ITGA6: variants seen among roughly 807,000 people sequenced by gnomAD.
ITGA6 encodes integrin subunit alpha 6, also known as integrin alpha-6.
In ITGA6, 63 loss-of-function variants were observed where a neutral mutation model predicts 133.6. The observed-to-expected ratio is 0.47, with a 90% confidence interval of 0.38 to 0.58. The LOEUF is 0.58. Among genes scored for constraint, ITGA6 ranks in the 20% least tolerant of loss-of-function variants. The pLI, the probability that ITGA6 is intolerant of heterozygous loss-of-function variation, is 0.00. For synonymous variants in ITGA6, 434 were observed against 482.0 expected, an observed-to-expected ratio of 0.90 and a Z score of 1.30; for missense variants, 1,068 against 1,309.4, an observed-to-expected ratio of 0.82 and a Z score of 2.85.
At chr2:172,466,707 T>TA (rs1394577433) in intron 2 of ITGA6, among the ~76,000 whole-genome samples, 8 of 152,186 alleles carry the variant, frequency 5.3e-5, no homozygotes, top group African/African-American at 1.9e-4. Flanking sequence ...CTATGAAGAA[T>TA]AAAAAAACCC....
intron 2 of ITGA6, 198 bp downstream of exon 2, chr2:172,465,861 C>T: frequency 2.6e-6 from 2 of 762,322 alleles, no homozygotes; most frequent in Non-Finnish European, 4.3e-6. Context: ...GCGTGTTTTG[C>T]TGCTCCTCCT....
intron 20 of ITGA6, among the ~76,000 whole-genome samples, chr2:172,490,364 A>G (rs919533441): frequency 1.3e-5 from 2 of 152,186 alleles, no homozygotes; most frequent in African/African-American, 2.4e-5. Context: ...TAACTGGCCT[A>G]TCATTTGTGT....
chr2:172,467,558 G>T lies in ITGA6; in HGVS notation c.385G>T (p.Val129Leu). The T allele has an allele frequency of 6.2e-7, 1 of 1,611,864 alleles. No homozygotes were observed. Among genetic ancestry groups the T allele is most frequent in the Non-Finnish European group, 8.5e-7 (1 of 1,178,154 alleles). ...GAGCCAAGGTCCAGGGGGCAAGGTCGTGGTAAGTGTAGAGACACATGTTCA... is the reference window on the plus strand; with the variant it reads ...GAGCCAAGGTCCAGGGGGCAAGGTCTTGGTAAGTGTAGAGACACATGTTCA... Reference protein sequence around the residue: ...VQSQGPGGKVVTCAHRYEKRQ... With the variant: ...VQSQGPGGKVLTCAHRYEKRQ... The change falls in exon 3 of 26, where the codon GTG becomes TTG. Residue 129 changes from valine (V) to leucine (L), a missense_variant and splice_region_variant. By Grantham distance (32) the Val-to-Leu change is conservative. Around this residue, in one of 3 missense-constraint regions of ITGA6, gnomAD observed 317 missense variants for 456.9 expected, o/e 0.69. Transcript: ENST00000684293.
chr2:172,476,321 T>C, intron 8 of ITGA6, 74 bp from the exon 9 acceptor site: 1 of 842,544 alleles, frequency 1.2e-6, no homozygotes. Context: ...GAAACTTGTG[T>C]GTCTTTTTCA....
chr2:172,427,378 A>G, upstream of ITGA6: 1 of 1,011,610 alleles, frequency 9.9e-7, no homozygotes, highest in South Asian at 4.3e-5. Flanking sequence ...AGGGCGGCGC[A>G]GTGGGGCTGC....
chr2:172,495,829 T>C (rs1687104397), intron 23 of ITGA6, among the ~76,000 whole-genome samples: 2 of 152,196 alleles, frequency 1.3e-5, no homozygotes. Context: ...GTTAACAATA[T>C]TGGATCCCAA....
chr2:172,477,324 G>T (rs527905938), intron 9 of ITGA6, among the ~76,000 whole-genome samples: 1 of 152,198 alleles, frequency 6.6e-6, no homozygotes, highest in Admixed American at 6.5e-5. Context: ...ATCACTGCTG[G>T]AAATCACCAT....
chr2:172,483,188 C>T (rs544298332), intron 11 of ITGA6, among the ~76,000 whole-genome samples: 1 of 152,234 alleles, frequency 6.6e-6, no homozygotes, highest in South Asian at 2.1e-4. Context: ...CAGGCCAACA[C>T]TGCTGGGAGG....
At chr2:172,466,468 A>T (rs541223455) in intron 2 of ITGA6, among the ~76,000 whole-genome samples, 17 of 152,132 alleles carry the variant, frequency 1.1e-4, no homozygotes, top group Admixed American at 1.3e-4. Context: ...AAAAATACAA[A>T]AATTAGCCAG....
At chr2:172,495,560 A>G (rs957014426) in intron 23 of ITGA6, 5 of 152,316 alleles carry the variant, frequency 3.3e-5, no homozygotes, top group African/African-American at 1.2e-4. Context: ...AAACACCTTC[A>G]GTTGACAGTT....
At chr2:172,476,257 A>G in intron 8 of ITGA6, 138 bp from the exon 9 acceptor site, 1 of 684,136 alleles carries the variant, frequency 1.5e-6, no homozygotes, top group Non-Finnish European at 2.7e-6. Flanking sequence ...GAAATTTATG[A>G]CTTGTATATA....
intron 5 of ITGA6, 100 bp from the exon 6 acceptor site, chr2:172,473,955 G>T: frequency 1.3e-6 from 1 of 747,662 alleles, no homozygotes; most frequent in Admixed American, 2.2e-5. Context: ...AGGAGAGAGG[G>T]GTGGGAAGCC....
rs577533217 is a variant in ITGA6 at position 172,503,323 on chromosome 2, A to T, written c.*23-768A>T. On this transcript the variant is annotated intron_variant, in intron 25 of 25. Coordinates refer to ENST00000684293, the MANE Select transcript of ITGA6 (RefSeq NM_000210.4). ...TTGGATCAGATTGACTATTTAAATG[A>T]ATTTTATATATATATATAAACACAC... The T allele has an allele frequency of 4.6e-5, 7 of 152,232 alleles. No individual in the cohort carries two copies. In the South Asian group the frequency reaches 1.5e-3, roughly 32 times the overall value. The allele number at this position is 152,232 out of a possible 1,614,324, so 9.4% of individuals were successfully genotyped here.
Position 172,427,810 on chromosome 2 carries a change from T to C in ITGA6, c.22T>C (p.Cys8Arg), listed in dbSNP as rs1416564292. 5 of 1,601,184 alleles carry C rather than the reference T, an allele frequency of 3.1e-6. No homozygotes were observed. Among genetic ancestry groups the C allele is most frequent in the Non-Finnish European group, 4.3e-6 (5 of 1,174,952 alleles). MAAAGQL[C>R]LLYLSAGLLS... ...GCCCATGGCCGCCGCCGGGCAGCTG[T>C]GCTTGCTCTACCTGTCGGCGGGGCT... Residue 8 changes from cysteine to arginine, a missense_variant, in exon 1 of 26, where the codon TGC becomes CGC. Cys to Arg is a radical substitution (Grantham distance 180, BLOSUM62 -3). Transcript: ENST00000684293.
intron 1 of ITGA6, among the ~76,000 whole-genome samples, chr2:172,463,787 C>T (rs970940692): frequency 6.6e-6 from 1 of 152,182 alleles, no homozygotes; most frequent in African/African-American, 2.4e-5. Context: ...CACATGACTC[C>T]ACCTCTGACA....
chr2:172,486,553 T>C (rs1295245772), intron 13 of ITGA6, among the ~76,000 whole-genome samples: 2 of 152,210 alleles, frequency 1.3e-5, no homozygotes, highest in Non-Finnish European at 2.9e-5. Context: ...ATAATAATAG[T>C]ATCTTTTTAG....
chr2:172,474,140 A>G lies in ITGA6; in HGVS notation c.861A>G (p.Gly287=), dbSNP rs1290041689. The change falls in exon 6 of 26, where the codon GGA becomes GGG. Residue 287 remains glycine, a synonymous_variant. Transcript: ENST00000684293. ...GTGCTCCCAGAGCCAATCACAGTGGAGCCGTGGTTTTGCTGAAGAGAGACA... is the reference window on the plus strand; with the variant it reads ...GTGCTCCCAGAGCCAATCACAGTGGGGCCGTGGTTTTGCTGAAGAGAGACA... ...VSGAPRANHS[G]AVVLLKRDMK... is the part of the protein sequence containing the mutation. 1 of 1,613,890 alleles carries G rather than the reference A, an allele frequency of 6.2e-7. No individual in the cohort carries two copies. The highest frequency in any genetic ancestry group is 1.7e-5 in the Admixed American group (1 of 59,994).
rs773106442 is a variant in ITGA6 at position 172,491,366 on chromosome 2, A to G, written c.2889+35A>G. On this transcript the variant is annotated intron_variant, in intron 22 of 25. Transcript: ENST00000684293. This position sits in a 1 kb window ranked among gnomAD's most constrained non-coding sequence, Gnocchi z 4.4. Reference sequence around the variant, plus strand: ...TGGCTTGAGGCTGTCCCATGGAAGTAATTTGCCTTTGCCTAGGACACTTTT... The same window carrying G: ...TGGCTTGAGGCTGTCCCATGGAAGTGATTTGCCTTTGCCTAGGACACTTTT... 1 of 1,569,968 alleles carries G rather than the reference A, an allele frequency of 6.4e-7. No individual in the cohort carries two copies. The highest frequency in any genetic ancestry group is 8.8e-7 in the Non-Finnish European group (1 of 1,139,808).
At chr2:172,489,410 C>A in intron 19 of ITGA6, 75 bp from the exon 20 acceptor site, 2 of 1,206,228 alleles carry the variant, frequency 1.7e-6, no homozygotes, top group Non-Finnish European at 2.5e-6. Context: ...GCTTCTTTCT[C>A]TTGGTAAAAG....
Sources: allele counts gnomAD v4.1 joint callset (sites outside exome capture counted in the v4.1 genomes callset), GRCh38; gene constraint gnomAD v4.1.1; regional missense constraint gnomAD v4.1.1; non-coding constraint Gnocchi (gnomAD v3.1); transcripts MANE v1.5; gene names NCBI Gene and HGNC (gene_info 2026-07-23, HGNC 2026-07-21).